The following DLGAP1 variants were observed in gnomAD, a reference collection of about 807,000 sequenced individuals.
DLGAP1 encodes DLG associated protein 1, also known as disks large-associated protein 1.
DLGAP1 carries 11 observed loss-of-function variants against 90.8 expected under a neutral mutation model. The observed-to-expected ratio is 0.12, with a 90% CI of 0.08 to 0.20. The LOEUF (loss-of-function observed/expected upper bound fraction) is 0.20, where lower values mean the gene tolerates loss of function less well. Among genes scored for constraint, DLGAP1 ranks in the 10% least tolerant of loss-of-function variants. DLGAP1 has a pLI of 1.00. For synonymous variants in DLGAP1, 558 were observed against 540.7 expected (o/e 1.03, Z -0.44); for missense variants, 1,050 against 1,333.8 (o/e 0.79, Z 3.31).
intron 5 of DLGAP1, among the ~76,000 whole-genome samples, chr18:3,799,011 T>A (rs1028735171): frequency 6.6e-6 from 1 of 152,028 alleles, no homozygotes; most frequent in Admixed American, 6.6e-5. Context: ...GTAGTTGGGA[T>A]TACAGGCACC....
intron 1 of DLGAP1, among the ~76,000 whole-genome samples, chr18:4,419,591 A>G (rs1257270949): frequency 5.9e-5 from 9 of 152,180 alleles, no homozygotes; most frequent in Admixed American, 5.2e-4. Context: ...GTACCAACAT[A>G]TTGTATGTTT....
At chr18:3,702,833 C>G (rs1009516234) in intron 7 of DLGAP1, among the ~76,000 whole-genome samples, 1 of 152,098 alleles carries the variant, frequency 6.6e-6, no homozygotes, top group Non-Finnish European at 1.5e-5. Flanking sequence ...CAGGCTCGCT[C>G]CTGCAGCCAC....
At chr18:3,661,548 G>C (rs985789648) in intron 7 of DLGAP1, among the ~76,000 whole-genome samples, 3 of 150,530 alleles carry the variant, frequency 2.0e-5, no homozygotes, top group Admixed American at 2.0e-4. Flanking sequence ...TCAAGTTTAG[G>C]CAGAGGGAAG....
intron 7 of DLGAP1, among the ~76,000 whole-genome samples, chr18:3,646,922 CT>C (rs2059142853): frequency 6.6e-6 from 1 of 151,400 alleles, no homozygotes; most frequent in South Asian, 2.1e-4. Context: ...GAGACTCCAT[CT>C]CAAAATAAAT....
At chr18:4,150,118 C>T (rs1421254499) in intron 2 of DLGAP1, among the ~76,000 whole-genome samples, 1 of 152,188 alleles carries the variant, frequency 6.6e-6, no homozygotes, top group East Asian at 1.9e-4. Context: ...CGCTTCTTCC[C>T]TGATTCACTC....
intron 2 of DLGAP1, among the ~76,000 whole-genome samples, chr18:4,026,491 G>T (rs1248605993): frequency 6.6e-6 from 1 of 152,100 alleles, no homozygotes; most frequent in Non-Finnish European, 1.5e-5. Context: ...CAGGACACAG[G>T]TACTTAGGGG....
At chr18:4,072,091 C>T (rs984587065) in intron 2 of DLGAP1, among the ~76,000 whole-genome samples, 3 of 152,180 alleles carry the variant, frequency 2.0e-5, no homozygotes, top group East Asian at 3.9e-4. Context: ...TGTTGGAGGC[C>T]GCAGTACTGC....
intron 1 of DLGAP1, among the ~76,000 whole-genome samples, chr18:4,449,755 A>G (rs556986819): frequency 2.0e-4 from 30 of 152,202 alleles, no homozygotes; most frequent in Non-Finnish European, 3.2e-4. Flanking sequence ...AAGTGCTAAA[A>G]CAGCATTCAG....
intron 2 of DLGAP1, among the ~76,000 whole-genome samples, chr18:4,036,120 T>C (rs1264622571): frequency 6.6e-6 from 1 of 152,180 alleles, no homozygotes; most frequent in Non-Finnish European, 1.5e-5. Flanking sequence ...GCAAGTTCTA[T>C]GACAGCTTTT....
intron 2 of DLGAP1, among the ~76,000 whole-genome samples, chr18:4,047,515 T>C (rs944382670): frequency 4.6e-5 from 7 of 152,226 alleles, no homozygotes; most frequent in Non-Finnish European, 8.8e-5. Flanking sequence ...TATTTAGCTA[T>C]GAAACATAAT....
chr18:3,548,843 C>T (rs2053211767), intron 9 of DLGAP1, among the ~76,000 whole-genome samples: 1 of 152,060 alleles, frequency 6.6e-6, no homozygotes, highest in Non-Finnish European at 1.5e-5. Flanking sequence ...TTGAGACTAG[C>T]CTGGCAAACA....
At chr18:3,998,884 A>T (rs1314004775) in intron 3 of DLGAP1, among the ~76,000 whole-genome samples, 1 of 152,178 alleles carries the variant, frequency 6.6e-6, no homozygotes, top group Admixed American at 6.5e-5. Flanking sequence ...CAGGCAAATT[A>T]TTGTGTTTTA....
At chr18:3,792,470 CA>C (rs11383635) in intron 5 of DLGAP1, among the ~76,000 whole-genome samples, 23,719 of 146,288 alleles carry the variant, frequency 0.16, 2,203 homozygotes, top group African/African-American at 0.26. Context: ...GACTCCATCT[CA>C]AAAAAAAAAA....
chr18:3,764,091 C>T (rs1158489588), intron 5 of DLGAP1, among the ~76,000 whole-genome samples: 2 of 152,198 alleles, frequency 1.3e-5, no homozygotes, highest in Non-Finnish European at 2.9e-5. Flanking sequence ...TGGCCCTATG[C>T]ATTTAAGTGC....
Position 3,879,688 on chromosome 18 carries a change from G to C in DLGAP1, c.381C>G (p.Ala127=). The change falls in exon 4 of 13, where the codon GCC becomes GCG. Residue 127 remains alanine, a synonymous_variant. Coordinates refer to ENST00000315677, the MANE Select transcript of DLGAP1 (RefSeq NM_004746.4). The surrounding 1 kb of genome is among the most constrained non-coding windows in gnomAD (Gnocchi z 6.6). ...GYHTLQYKRT[A]VEHRSDSPGR... is the part of the protein sequence containing the mutation. ...CGGGGCTGTCGCTGCGGTGCTCCAC[G>C]GCCGTGCGCTTGTACTGCAGGGTGT... 3 of 1,607,566 alleles carry C rather than the reference G, an allele frequency of 1.9e-6. No homozygotes were observed. The highest frequency in any genetic ancestry group is 1.3e-5 in the African/African-American group (1 of 75,052).
chr18:4,191,865 C>T (rs2077406707), intron 1 of DLGAP1, among the ~76,000 whole-genome samples: 1 of 152,166 alleles, frequency 6.6e-6, no homozygotes, highest in African/African-American at 2.4e-5. Context: ...TTCATTTCTT[C>T]TAATGGAATG....
intron 7 of DLGAP1, among the ~76,000 whole-genome samples, chr18:3,718,248 C>G (rs2061832041): frequency 6.6e-6 from 1 of 151,802 alleles, no homozygotes; most frequent in East Asian, 2.0e-4. Flanking sequence ...ATCACGAGGT[C>G]AGGAGCTCGA....
chr18:3,681,211 T>C (rs148573423), intron 7 of DLGAP1, among the ~76,000 whole-genome samples: 436 of 152,278 alleles, frequency 2.9e-3, no homozygotes, highest in African/African-American at 0.01. Context: ...AACAGTACTG[T>C]CCTCTCACTT....
At chr18:3,892,797 G>A (rs78418068) in intron 3 of DLGAP1, among the ~76,000 whole-genome samples, 1 of 151,696 alleles carries the variant, frequency 6.6e-6, no homozygotes, top group Non-Finnish European at 1.5e-5. Flanking sequence ...ATTCTTCAAA[G>A]ACAAGGTTTT....
Sources: allele counts gnomAD v4.1 joint callset (sites outside exome capture counted in the v4.1 genomes callset), GRCh38; gene constraint gnomAD v4.1.1; non-coding constraint Gnocchi (gnomAD v3.1); transcripts MANE v1.5; gene names NCBI Gene and HGNC (gene_info 2026-07-23, HGNC 2026-07-21).